The following PEMT variants were observed in gnomAD, a reference collection of about 807,000 sequenced individuals.
PEMT encodes the protein phospholipid methyltransferase.
PEMT carries 23 observed loss-of-function variants against 27.4 expected under a neutral mutation model. The observed-to-expected ratio is 0.84, with a 90% CI of 0.60 to 1.19. The LOEUF (loss-of-function observed/expected upper bound fraction) is 1.19, where lower values mean the gene tolerates loss of function less well. Ranked by LOEUF, PEMT falls within the 50% of genes most tolerant of loss-of-function variation. PEMT has a pLI of 0.00. For missense variants in PEMT, 307 were observed against 310.1 expected, an observed-to-expected ratio of 0.99 and a Z score of 0.07; for synonymous variants, 137 against 139.1, an observed-to-expected ratio of 0.98 and a Z score of 0.11.
chr17:17,540,261 C>A (rs901087145), intron 2 of PEMT, among the ~76,000 whole-genome samples: 21 of 152,324 alleles, frequency 1.4e-4, no homozygotes, highest in African/African-American at 4.3e-4. Flanking sequence ...GACAGAAGAC[C>A]CCCAACATGG....
intron 2 of PEMT, among the ~76,000 whole-genome samples, chr17:17,552,594 G>C (rs558278235): frequency 1.3e-5 from 2 of 152,384 alleles, no homozygotes; most frequent in East Asian, 3.9e-4. Flanking sequence ...GGGGGTGTGG[G>C]TGCCACGGAG....
intron 2 of PEMT, among the ~76,000 whole-genome samples, chr17:17,535,461 G>A (rs1048710956): frequency 1.3e-5 from 2 of 151,934 alleles, no homozygotes; most frequent in Non-Finnish European, 2.9e-5. Flanking sequence ...AGCTACTCAG[G>A]AGGCTGAGGC....
At chr17:17,528,295 C>A (rs764938908) in intron 2 of PEMT, among the ~76,000 whole-genome samples, 1 of 152,222 alleles carries the variant, frequency 6.6e-6, no homozygotes, top group Non-Finnish European at 1.5e-5. Context: ...GCCCCAGGAG[C>A]CGCAGCCAGT....
At chr17:17,544,390 C>T (rs894842323) in intron 2 of PEMT, among the ~76,000 whole-genome samples, 2 of 151,894 alleles carry the variant, frequency 1.3e-5, no homozygotes, top group African/African-American at 2.4e-5. Flanking sequence ...AAGCGATTCT[C>T]CTGCCTCAGC....
At chr17:17,535,352 G>C (rs1908385549) in intron 2 of PEMT, among the ~76,000 whole-genome samples, 1 of 152,186 alleles carries the variant, frequency 6.6e-6, no homozygotes, top group Admixed American at 6.5e-5. Flanking sequence ...TGGATCACGA[G>C]GTTGGGAGAT....
intron 2 of PEMT, among the ~76,000 whole-genome samples, chr17:17,559,521 C>G (rs778503911): frequency 4.6e-5 from 7 of 152,224 alleles, no homozygotes; most frequent in Non-Finnish European, 1.0e-4. Context: ...GGGTCAGAGG[C>G]AGTCCAGCAC....
In PEMT at chr17:17,582,436, T is replaced by C. The variant is rs1027868655; in HGVS notation, c.97-5409A>G. 8.1e-6 allele frequency: 8 copies of C among 985,280 alleles called. No homozygotes were observed. Among genetic ancestry groups the C allele is most frequent in the Non-Finnish European group, 9.6e-6 (8 of 829,898 alleles). 61.0% of individuals were successfully genotyped at this position (985,280 alleles called of 1,614,324 possible). ...GGAGCAGCGCTCTGTGGTCAGGGAA[T>C]GATCTGCAGTGGGTCAACATGTCAC... On this transcript the variant is annotated intron_variant, in intron 1 of 6. Transcript: ENST00000255389. The surrounding 1 kb of genome is among the most constrained non-coding windows in gnomAD (Gnocchi z 4.9).
intron 2 of PEMT, among the ~76,000 whole-genome samples, chr17:17,524,875 C>T (rs548547882): frequency 2.7e-4 from 41 of 152,224 alleles, no homozygotes; most frequent in African/African-American, 8.9e-4. Context: ...TTTGGGAGGC[C>T]GAGGCAGGTG....
chr17:17,514,950 G>A (rs1036756835), intron 3 of PEMT, among the ~76,000 whole-genome samples: 2 of 152,346 alleles, frequency 1.3e-5, no homozygotes, highest in South Asian at 2.1e-4. Flanking sequence ...GTGTGCCTTA[G>A]AGTCTGGGGC....
At chr17:17,516,580 C>G (rs1157775899) in intron 3 of PEMT, among the ~76,000 whole-genome samples, 1 of 152,142 alleles carries the variant, frequency 6.6e-6, no homozygotes, top group East Asian at 1.9e-4. Context: ...GCAGCAGTAT[C>G]CCAGCACCCC....
At chr17:17,559,933 G>C (rs1910352367) in intron 2 of PEMT, among the ~76,000 whole-genome samples, 3 of 152,186 alleles carry the variant, frequency 2.0e-5, no homozygotes, top group Admixed American at 2.0e-4. Context: ...CCCCACCTGA[G>C]TGCTGGGAAG....
intron 2 of PEMT, among the ~76,000 whole-genome samples, chr17:17,522,779 A>G (rs1427941044): frequency 6.6e-6 from 1 of 152,136 alleles, no homozygotes; most frequent in Non-Finnish European, 1.5e-5. Context: ...CACAGACTCT[A>G]AAAGGGCCCC....
At chr17:17,553,935 C>T (rs1026318080) in intron 2 of PEMT, among the ~76,000 whole-genome samples, 5 of 152,200 alleles carry the variant, frequency 3.3e-5, no homozygotes, top group Admixed American at 6.5e-5. Context: ...GCAGTCACAG[C>T]CCTCCCACCC....
chr17:17,555,032 C>T (rs370749790), intron 2 of PEMT, among the ~76,000 whole-genome samples: 30 of 152,304 alleles, frequency 2.0e-4, no homozygotes, highest in African/African-American at 7.0e-4. Flanking sequence ...TGACCACACA[C>T]ACATGCATGA....
chr17:17,582,158 C>T lies in PEMT; in HGVS notation c.97-5131G>A. On this transcript the variant is annotated intron_variant, in intron 1 of 6. Coordinates refer to ENST00000255389, the MANE Select transcript of PEMT (RefSeq NM_148172.3). This position sits in a 1 kb window ranked among gnomAD's most constrained non-coding sequence, Gnocchi z 4.9. Reference sequence around the variant, plus strand: ...ACTCCCAGCCCCAACCTCCTTCATACAACAGAGGTCCCGGCTTTCTGCTAC... The same window carrying T: ...ACTCCCAGCCCCAACCTCCTTCATATAACAGAGGTCCCGGCTTTCTGCTAC... The T allele has an allele frequency of 1.6e-6, 1 of 611,184 alleles. No individual in the cohort carries two copies. The highest frequency in any genetic ancestry group is 2.0e-6 in the Non-Finnish European group (1 of 488,024). The allele number at this position is 611,184 out of a possible 1,614,324, so 37.9% of individuals were successfully genotyped here.
At chr17:17,507,255 G>A in intron 5 of PEMT, 2 of 1,426,648 alleles carry the variant, frequency 1.4e-6, no homozygotes, top group Admixed American at 2.0e-5. Flanking sequence ...GGGAGGAAAG[G>A]AGCTGTCTGG....
chr17:17,527,003 T>TC (rs1907716735), intron 2 of PEMT, among the ~76,000 whole-genome samples: 1 of 152,110 alleles, frequency 6.6e-6, no homozygotes, highest in South Asian at 2.1e-4. Flanking sequence ...TTCCTACGCA[T>TC]CCTTGAAGTG....
At position 17,577,041 on chromosome 17, in the gene PEMT, G is replaced by T. The variant is rs1413380675; in HGVS notation, c.97-14C>A. ...GCAGAAGTCTGCCTGCAGGGACAGA[G>T]CTAGCATCAGCACCACCCAGACACA... On this transcript the variant is annotated splice_polypyrimidine_tract_variant and intron_variant, in intron 1 of 6. Transcript: ENST00000255389. 3.8e-6 allele frequency: 6 copies of T among 1,592,302 alleles called. No homozygotes were observed. The South Asian group carries it at 4.4e-5, about 12-fold the overall frequency.
intron 5 of PEMT, chr17:17,507,257 G>C: frequency 7.1e-7 from 1 of 1,409,798 alleles, no homozygotes; most frequent in Non-Finnish European, 9.7e-7. Flanking sequence ...GAGGAAAGGA[G>C]CTGTCTGGCG....
Sources: allele counts gnomAD v4.1 joint callset (sites outside exome capture counted in the v4.1 genomes callset), GRCh38; gene constraint gnomAD v4.1.1; non-coding constraint Gnocchi (gnomAD v3.1); transcripts MANE v1.5; gene names NCBI Gene and HGNC (gene_info 2026-07-23, HGNC 2026-07-21).